Variants in MACROD2 observed in about 807,000 individuals in gnomAD.
The protein encoded by MACROD2 is ADP-ribose glycohydrolase MACROD2.
A neutral mutation model predicts 70.4 loss-of-function variants in MACROD2; 36 were observed. That is an observed-to-expected ratio of 0.51 (90% confidence interval 0.39 to 0.68). The LOEUF is 0.68. MACROD2 is among the 30% of genes least tolerant of loss of function. MACROD2 has a pLI of 0.00. For synonymous variants in MACROD2, 172 were observed against 178.8 expected, an observed-to-expected ratio of 0.96 and a Z score of 0.30; for missense variants, 496 against 538.4, an observed-to-expected ratio of 0.92 and a Z score of 0.78.
chr20:15,568,131 C>A (rs541068329), intron 8 of MACROD2, among the ~76,000 whole-genome samples: 1 of 152,274 alleles, frequency 6.6e-6, no homozygotes, highest in Admixed American at 6.5e-5. Context: ...CCCTGTGTTT[C>A]CTGTGGACTT....
chr20:14,071,009 A>G (rs2053829617), intron 2 of MACROD2, among the ~76,000 whole-genome samples: 1 of 152,156 alleles, frequency 6.6e-6, no homozygotes, highest in African/African-American at 2.4e-5. Flanking sequence ...GTAGCTTAAA[A>G]CAACATCCTT....
At chr20:15,280,305 G>A (rs1192734102) in intron 6 of MACROD2, among the ~76,000 whole-genome samples, 4 of 151,890 alleles carry the variant, frequency 2.6e-5, no homozygotes, top group Non-Finnish European at 4.4e-5. Context: ...AGAAAACAAG[G>A]ATGCAAACTT....
chr20:15,871,026 A>C (rs1224165073), intron 9 of MACROD2, among the ~76,000 whole-genome samples: 1 of 151,780 alleles, frequency 6.6e-6, no homozygotes, highest in African/African-American at 2.4e-5. Context: ...AAATACAAAA[A>C]TTGGCCAGGC....
intron 4 of MACROD2, among the ~76,000 whole-genome samples, chr20:14,583,605 G>A (rs1981185228): frequency 6.6e-6 from 1 of 152,126 alleles, no homozygotes; most frequent in Admixed American, 6.5e-5. Context: ...AATGAAGAGC[G>A]ATGTTAGGTC....
intron 5 of MACROD2, among the ~76,000 whole-genome samples, chr20:14,820,873 T>G (rs996598389): frequency 1.5e-4 from 23 of 152,090 alleles, no homozygotes; most frequent in African/African-American, 5.6e-4. Context: ...AGTGTTCACA[T>G]GATGCTTGGG....
At chr20:16,013,712 C>T (rs1370602203) in intron 15 of MACROD2, among the ~76,000 whole-genome samples, 2 of 152,136 alleles carry the variant, frequency 1.3e-5, no homozygotes, top group Non-Finnish European at 2.9e-5. Flanking sequence ...TTGTATCATA[C>T]CCAGGAGAGA....
At chr20:14,632,614 G>A (rs1341240114) in intron 4 of MACROD2, among the ~76,000 whole-genome samples, 1 of 152,058 alleles carries the variant, frequency 6.6e-6, no homozygotes, top group Non-Finnish European at 1.5e-5. Flanking sequence ...TTGTTAATTT[G>A]TGACATTCCT....
chr20:14,203,945 G>A (rs915148881), intron 3 of MACROD2, among the ~76,000 whole-genome samples: 8 of 152,156 alleles, frequency 5.3e-5, no homozygotes, highest in South Asian at 2.1e-4. Flanking sequence ...TGGGTTAGGC[G>A]GGCAGGTCCT....
chr20:14,608,259 AAAAT>A (rs970104857), intron 4 of MACROD2, among the ~76,000 whole-genome samples: 2 of 152,148 alleles, frequency 1.3e-5, no homozygotes, highest in Non-Finnish European at 2.9e-5. Flanking sequence ...TCCGTCTCAA[AAAAT>A]AAATAAATAA....
intron 5 of MACROD2, among the ~76,000 whole-genome samples, chr20:14,706,816 G>A (rs1376736314): frequency 6.6e-6 from 1 of 151,950 alleles, no homozygotes; most frequent in Admixed American, 6.6e-5. Flanking sequence ...CACAATTGCC[G>A]AAAGGTTCTT....
At chr20:14,820,814 T>C (rs896798663) in intron 5 of MACROD2, among the ~76,000 whole-genome samples, 8 of 152,054 alleles carry the variant, frequency 5.3e-5, no homozygotes, top group Non-Finnish European at 1.0e-4. Flanking sequence ...GCTGTGTTTT[T>C]GTTCTCCATC....
intron 4 of MACROD2, among the ~76,000 whole-genome samples, chr20:14,618,524 A>C (rs1840272449): frequency 6.6e-6 from 1 of 152,114 alleles, no homozygotes; most frequent in Non-Finnish European, 1.5e-5. Flanking sequence ...GTTGGCACTC[A>C]ATCTGTGTTA....
chr20:15,933,051 T>C (rs12480510), intron 10 of MACROD2, among the ~76,000 whole-genome samples: 1 of 152,308 alleles, frequency 6.6e-6, no homozygotes, highest in Admixed American at 6.5e-5. Context: ...TTTACTGCGG[T>C]TAAACATTTC....
chr20:15,164,531 G>A (rs1484429346), intron 5 of MACROD2, among the ~76,000 whole-genome samples: 2 of 152,108 alleles, frequency 1.3e-5, no homozygotes, highest in South Asian at 2.1e-4. Flanking sequence ...TGCAATCAAG[G>A]TGTATGTTTA....
chr20:14,779,359 C>A (rs1255531652), intron 5 of MACROD2, among the ~76,000 whole-genome samples: 1 of 152,112 alleles, frequency 6.6e-6, no homozygotes, highest in African/African-American at 2.4e-5. Context: ...AAGGTAATTG[C>A]AGTGACTGTA....
intron 5 of MACROD2, among the ~76,000 whole-genome samples, chr20:14,867,390 C>T (rs1291434985): frequency 6.6e-6 from 1 of 152,090 alleles, no homozygotes; most frequent in Non-Finnish European, 1.5e-5. Flanking sequence ...AGGTGACATT[C>T]TCTTTGAAGT....
intron 3 of MACROD2, among the ~76,000 whole-genome samples, chr20:14,370,127 T>C (rs1048059255): frequency 2.6e-5 from 4 of 152,194 alleles, no homozygotes; most frequent in African/African-American, 9.6e-5. Context: ...AATGTGATTT[T>C]AAACTTTAAT....
At chr20:15,246,283 G>T (rs1228305320) in intron 6 of MACROD2, among the ~76,000 whole-genome samples, 1 of 152,180 alleles carries the variant, frequency 6.6e-6, no homozygotes, top group Non-Finnish European at 1.5e-5. Context: ...GTATGTGTGT[G>T]TGTGTCTGTG....
chr20:15,062,539 A>G (rs1231250030), intron 5 of MACROD2, among the ~76,000 whole-genome samples: 1 of 152,142 alleles, frequency 6.6e-6, no homozygotes, highest in Non-Finnish European at 1.5e-5. Context: ...GTAAAAAAAA[A>G]AAATCCTTGG....
Sources: gnomAD v4.1 joint callset for allele counts (sites outside exome capture counted in the v4.1 genomes callset) on GRCh38, gnomAD v4.1.1 for gene constraint, MANE v1.5 for transcripts, NCBI Gene and HGNC (gene_info 2026-07-23, HGNC 2026-07-21) for gene names.